Variants in DCTD observed in about 807,000 individuals in gnomAD.
DCTD encodes the protein dCMP deaminase.
A neutral mutation model predicts 21.0 loss-of-function variants in DCTD; 23 were observed. The observed-to-expected ratio is 1.09, with a 90% CI of 0.79 to 1.55. The LOEUF (loss-of-function observed/expected upper bound fraction) is 1.55, where lower values mean the gene tolerates loss of function less well. Ranked by LOEUF, DCTD falls within the 40% of genes most tolerant of loss-of-function variation. The pLI is 0.00. For synonymous variants in DCTD, 71 were observed against 81.1 expected (o/e 0.88, Z 0.67); for missense variants, 224 against 230.0 (o/e 0.97, Z 0.17).
In DCTD at chr4:182,915,748, A is replaced by T. The variant is rs1738621546; in HGVS notation, c.-7-173T>A. ...CCCTAAACAGTCTCTGGTCTTAAGT[A>T]AAAACTTAAGAAATTTCCTATTTCA... On this transcript the variant is annotated intron_variant, in intron 1 of 5. Transcript: ENST00000438320. The T allele has an allele frequency of 3.9e-6, 3 of 773,358 alleles. No homozygotes were observed. In the South Asian group the frequency reaches 7.0e-5, roughly 18 times the overall value. 47.9% of individuals were successfully genotyped at this position (773,358 alleles called of 1,614,324 possible). A position where few individuals can be genotyped will look rare whatever the true frequency, so the allele number is the denominator to read the frequency against.
chr4:182,893,977 GAATAC>G (rs1478566133), intron 4 of DCTD, among the ~76,000 whole-genome samples: 6 of 152,238 alleles, frequency 3.9e-5, no homozygotes, highest in Admixed American at 3.9e-4. Context: ...GAAATATTCA[GAATAC>G]AATGGTGTAG....
chr4:182,917,000 G>A (rs1400152841), intron 1 of DCTD: 1 of 990,084 alleles, frequency 1.0e-6, no homozygotes, highest in Non-Finnish European at 1.2e-6. Flanking sequence ...ACCCACACAC[G>A]GGCGCAGGAA....
intron 3 of DCTD, among the ~76,000 whole-genome samples, chr4:182,896,407 C>T (rs1268833626): frequency 6.6e-6 from 1 of 152,232 alleles, no homozygotes; most frequent in East Asian, 1.9e-4. Flanking sequence ...TTTAGGAGAT[C>T]TCAGTCCTGC....
intron 3 of DCTD, among the ~76,000 whole-genome samples, chr4:182,895,133 A>G (rs1734516371): frequency 6.6e-6 from 1 of 152,242 alleles, no homozygotes; most frequent in Non-Finnish European, 1.5e-5. Context: ...GTGCAGCGGC[A>G]TGATCATATC....
intron 3 of DCTD, among the ~76,000 whole-genome samples, chr4:182,895,001 C>G (rs927346267): frequency 6.6e-6 from 1 of 152,198 alleles, no homozygotes; most frequent in Non-Finnish European, 1.5e-5. Flanking sequence ...GCAAGAGAAT[C>G]AACAAGTGAC....
chr4:182,916,700 G>A, intron 1 of DCTD: 1 of 1,032,380 alleles, frequency 9.7e-7, no homozygotes, highest in Non-Finnish European at 1.2e-6. Flanking sequence ...ATCCATCATC[G>A]CTGTGGGGTG....
intron 3 of DCTD, among the ~76,000 whole-genome samples, chr4:182,895,235 A>C (rs1734531810): frequency 6.6e-6 from 1 of 152,068 alleles, no homozygotes; most frequent in South Asian, 2.1e-4. Context: ...AAGCCCAGCT[A>C]ATTTTTTGTA....
At chr4:182,897,991 G>C (rs1010834250) in intron 3 of DCTD, among the ~76,000 whole-genome samples, 1 of 152,234 alleles carries the variant, frequency 6.6e-6, no homozygotes, top group African/African-American at 2.4e-5. Flanking sequence ...GTCCTGAGGA[G>C]ACAGGACTCA....
intron 3 of DCTD, among the ~76,000 whole-genome samples, chr4:182,904,874 C>T (rs1443865608): frequency 2.0e-5 from 3 of 152,196 alleles, no homozygotes; most frequent in Admixed American, 6.5e-5. Flanking sequence ...ACCAGGGTGT[C>T]TGAGAGACCG....
intron 3 of DCTD, among the ~76,000 whole-genome samples, chr4:182,908,198 G>A (rs969694579): frequency 2.6e-5 from 4 of 151,866 alleles, no homozygotes; most frequent in Non-Finnish European, 4.4e-5. Context: ...GGGAGATTCC[G>A]GATTAAAAAA....
rs1363636884 is a variant in DCTD at position 182,893,145 on chromosome 4, G to C, written c.362-18C>G. ...TTTTATACCTGTAAGGTAACAATGGGAGCTCCCTTAGTGTACGCACCTACA... is the reference window on the plus strand; with the variant it reads ...TTTTATACCTGTAAGGTAACAATGGCAGCTCCCTTAGTGTACGCACCTACA... On this transcript the variant is annotated intron_variant, in intron 4 of 5. Transcript: ENST00000438320. 6.7e-7 allele frequency: 1 copy of C among 1,482,340 alleles called. No homozygotes were observed. The highest frequency in any genetic ancestry group is 1.4e-5 in the African/African-American group (1 of 72,410). The allele number at this position is 1,482,340 out of a possible 1,614,324, so 91.8% of individuals were successfully genotyped here. A position where few individuals can be genotyped will look rare whatever the true frequency, so the allele number is the denominator to read the frequency against.
chr4:182,897,177 T>C (rs964562803), intron 3 of DCTD, among the ~76,000 whole-genome samples: 11 of 152,184 alleles, frequency 7.2e-5, no homozygotes, highest in Non-Finnish European at 1.5e-4. Flanking sequence ...TTGGGCAGCA[T>C]CTGACATCCC....
At chr4:182,901,324 G>T (rs993620609) in intron 3 of DCTD, among the ~76,000 whole-genome samples, 3 of 152,164 alleles carry the variant, frequency 2.0e-5, no homozygotes, top group African/African-American at 7.2e-5. Context: ...GAAAATGAAG[G>T]TTCTGATCTA....
chr4:182,897,942 T>C (rs6831306), intron 3 of DCTD, among the ~76,000 whole-genome samples: 41,194 of 151,900 alleles, frequency 0.27, 5,697 homozygotes, highest in Non-Finnish European at 0.3. Context: ...CTCTGAACCT[T>C]GCTGTCCCCC....
rs544964656 is a variant in DCTD at position 182,907,494 on chromosome 4, T to C, written c.244+7429A>G. The stretch of plus-strand genomic sequence containing the variant: ...TTTTCTCATCCAATGTCTTTTAATC[T>C]GCATGTCTGTGGAGTAACCTACAGT... On this transcript the variant is annotated intron_variant, in intron 3 of 5. Transcript: ENST00000438320. 7.6e-4 allele frequency among the ~76,000 whole-genome samples: 115 copies of C among 152,308 alleles called. 1 individual carries two copies. Among genetic ancestry groups the C allele is most frequent in the Admixed American group, 1.8e-3 (27 of 15,302 alleles).
At chr4:182,914,534 T>C (rs1430574315) in intron 3 of DCTD, among the ~76,000 whole-genome samples, 1 of 152,206 alleles carries the variant, frequency 6.6e-6, no homozygotes, top group Non-Finnish European at 1.5e-5. Flanking sequence ...CCGACCCTGC[T>C]TCCAAGTAGT....
intron 3 of DCTD, among the ~76,000 whole-genome samples, chr4:182,904,423 C>T (rs1022493066): frequency 2.6e-5 from 4 of 152,184 alleles, no homozygotes; most frequent in Admixed American, 6.5e-5. Flanking sequence ...CGCTAATCAG[C>T]GCTGATAGTA....
intron 3 of DCTD, chr4:182,911,520 G>C (rs923403804): frequency 1.3e-5 from 2 of 152,134 alleles, no homozygotes; most frequent in African/African-American, 4.8e-5. Context: ...AAAAAAATGA[G>C]ACAATGATTG....
intron 3 of DCTD, among the ~76,000 whole-genome samples, chr4:182,897,299 T>C (rs906811559): frequency 2.7e-5 from 4 of 150,646 alleles, no homozygotes; most frequent in South Asian, 2.1e-4. Flanking sequence ...TTAAAAAATA[T>C]ATATATATGA....
Sources: gnomAD v4.1 joint callset for allele counts (sites outside exome capture counted in the v4.1 genomes callset) on GRCh38, gnomAD v4.1.1 for gene constraint, MANE v1.5 for transcripts, NCBI Gene and HGNC (gene_info 2026-07-23, HGNC 2026-07-21) for gene names.